Variants in CFHR5 observed in about 807,000 individuals in gnomAD.
The protein encoded by CFHR5 is complement factor H related 5.
Under a neutral mutation model 62.9 loss-of-function variants are expected in CFHR5, and 73 were observed. The ratio of observed to expected loss-of-function variants is 1.16; its 90% CI spans 0.96 to 1.41. CFHR5 has a LOEUF of 1.41. Among genes scored for constraint, CFHR5 ranks in the 40% most tolerant of loss-of-function variants. CFHR5 has a pLI of 0.00. For missense variants in CFHR5, 779 were observed against 679.9 expected, an observed-to-expected ratio of 1.15 and a Z score of -1.62; for synonymous variants, 249 against 227.2, an observed-to-expected ratio of 1.10 and a Z score of -0.86.
intron 7 of CFHR5, among the ~76,000 whole-genome samples, chr1:196,999,785 GTATATA>G (rs1299097017): frequency 1.6e-5 from 2 of 127,008 alleles, no homozygotes; most frequent in Admixed American, 8.3e-5. Flanking sequence ...ATGTATATAT[GTATATA>G]TGTGTGTATA....
chr1:196,993,166 C>T (rs1653892771), intron 3 of CFHR5, among the ~76,000 whole-genome samples: 1 of 152,014 alleles, frequency 6.6e-6, no homozygotes, highest in Non-Finnish European at 1.5e-5. Context: ...GGGAAAGATT[C>T]AAAAAACCTA....
Position 196,996,141 on chromosome 1 carries a change from A to T in CFHR5, c.910A>T (p.Ile304Phe). The T allele has an allele frequency of 6.2e-7, 1 of 1,613,136 alleles. No homozygotes were observed. The highest frequency in any genetic ancestry group is 1.3e-5 in the African/African-American group (1 of 74,994). ...GAATTGCAGAAATGAATATGCAATG[A>T]TTGGAAATAACATGATTACCTGTAT... is the stretch of plus-strand genomic sequence containing the variant. ...EVNCRNEYAM[I>F]GNNMITCING... is the part of the protein sequence containing the mutation. The change falls in exon 6 of 10, where the codon ATT becomes TTT. Residue 304 changes from isoleucine (I) to phenylalanine (F), a missense_variant. By Grantham distance (21) the Ile-to-Phe change is conservative (BLOSUM62 0). Transcript: ENST00000256785.
intron 1 of CFHR5, 99 bp downstream of exon 1, chr1:196,977,821 C>G: frequency 1.1e-6 from 1 of 927,478 alleles, no homozygotes; most frequent in Non-Finnish European, 1.8e-6. Context: ...GAATAAATAG[C>G]TGAGGATAAT....
intron 1 of CFHR5, among the ~76,000 whole-genome samples, chr1:196,979,826 G>A (rs1171041228): frequency 1.3e-5 from 2 of 151,830 alleles, no homozygotes; most frequent in Non-Finnish European, 2.9e-5. Flanking sequence ...GGTGCACCCA[G>A]GATAGACTAA....
At chr1:197,007,605 TA>T (rs1470884520) in intron 9 of CFHR5, among the ~76,000 whole-genome samples, 1 of 150,032 alleles carries the variant, frequency 6.7e-6, no homozygotes. Flanking sequence ...GTATATGTAA[TA>T]TAAATATATT....
chr1:196,976,488 G>C (rs1235983832), upstream of CFHR5, among the ~76,000 whole-genome samples: 4 of 152,228 alleles, frequency 2.6e-5, no homozygotes, highest in African/African-American at 7.2e-5. Flanking sequence ...GCCCATCCAG[G>C]GTTCAACTTC....
chr1:196,983,449 A>G (rs539386236), intron 2 of CFHR5, among the ~76,000 whole-genome samples: 34 of 152,174 alleles, frequency 2.2e-4, no homozygotes, highest in Non-Finnish European at 4.0e-4. Flanking sequence ...GTTCTCTTGC[A>G]TATTGCGAGG....
intron 9 of CFHR5, among the ~76,000 whole-genome samples, chr1:197,007,515 A>G (rs2125041196): frequency 6.6e-6 from 1 of 151,934 alleles, no homozygotes; most frequent in Admixed American, 6.6e-5. Context: ...AAAAAAGTAT[A>G]TAACATAAAG....
Position 196,994,234 on chromosome 1 carries a change from A to G in CFHR5, c.585A>G (p.Ser195=), listed in dbSNP as rs981688848. The G allele has an allele frequency of 6.2e-7, 1 of 1,613,572 alleles. No individual in the cohort carries two copies. The highest frequency in any genetic ancestry group is 1.3e-5 in the African/African-American group (1 of 75,028). The change falls in exon 4 of 10, where the codon TCA becomes TCG. Residue 195 remains serine (S), a synonymous_variant. Coordinates refer to ENST00000256785, the MANE Select transcript of CFHR5 (RefSeq NM_030787.4). ...DSVQCYQFGW[S]PNFPTCKGQV... ...TTCAATGTTACCAATTTGGGTGGTCACCTAACTTTCCAACATGCAAAGGTC... is the reference window on the plus strand; with the variant it reads ...TTCAATGTTACCAATTTGGGTGGTCGCCTAACTTTCCAACATGCAAAGGTC...
At chr1:196,991,049 G>A (rs1268149270) in intron 3 of CFHR5, among the ~76,000 whole-genome samples, 1 of 151,748 alleles carries the variant, frequency 6.6e-6, no homozygotes, top group East Asian at 1.9e-4. Context: ...ATTTCTCGGA[G>A]GCTTTGTTCA....
At chr1:196,984,934 G>C (rs1571513763) in intron 3 of CFHR5, among the ~76,000 whole-genome samples, 1 of 152,206 alleles carries the variant, frequency 6.6e-6, no homozygotes, top group African/African-American at 2.4e-5. Flanking sequence ...TCTAGAAAAG[G>C]CTTCCCAATA....
At chr1:196,998,349 C>A (rs373303829) in intron 7 of CFHR5, 45 bp downstream of exon 7, 182 of 1,446,368 alleles carry the variant, frequency 1.3e-4, no homozygotes, top group East Asian at 9.3e-5. Context: ...TGCTTCTTTA[C>A]AAGAAAAATT....
chr1:196,989,680 T>C (rs973938408), intron 3 of CFHR5, among the ~76,000 whole-genome samples: 18 of 152,168 alleles, frequency 1.2e-4, no homozygotes, highest in Middle Eastern at 3.2e-3. Context: ...TGGTGCGGTT[T>C]TGAGTGAGTT....
intron 3 of CFHR5, among the ~76,000 whole-genome samples, chr1:196,987,728 G>T (rs1653731453): frequency 6.6e-6 from 1 of 152,142 alleles, no homozygotes; most frequent in Non-Finnish European, 1.5e-5. Flanking sequence ...CTATATCTCT[G>T]TTTTGGTACC....
At chr1:196,990,502 C>T (rs944359328) in intron 3 of CFHR5, among the ~76,000 whole-genome samples, 3 of 152,136 alleles carry the variant, frequency 2.0e-5, no homozygotes, top group African/African-American at 7.2e-5. Context: ...TTTGCAGGGG[C>T]TGGTACCGGT....
intron 7 of CFHR5, among the ~76,000 whole-genome samples, chr1:197,000,996 T>C (rs1401992262): frequency 6.6e-6 from 1 of 152,158 alleles, no homozygotes; most frequent in Admixed American, 6.6e-5. Context: ...GACCAAACTT[T>C]GCTAATCAAA....
intron 3 of CFHR5, among the ~76,000 whole-genome samples, chr1:196,985,447 C>T (rs1653658980): frequency 6.6e-6 from 1 of 151,648 alleles, no homozygotes; most frequent in Admixed American, 6.6e-5. Flanking sequence ...ACAGTTACGT[C>T]ATGGTCTCTT....
In CFHR5 at chr1:196,986,528, C is replaced by A. The variant is rs147314146; in HGVS notation, c.430+2391C>A. ...ATGCTACCCCTCCCCTACCTCCCAC[C>A]CTACAACAGGCCCCAGTGTGTGATG... On this transcript the variant is annotated intron_variant, in intron 3 of 9. Transcript: ENST00000256785. 4.3e-3 allele frequency among the ~76,000 whole-genome samples: 662 copies of A among 152,204 alleles called. 8 individuals carry two copies. Among genetic ancestry groups the A allele is most frequent in the African/African-American group, 0.014 (579 of 41,528 alleles).
chr1:196,996,025 A>C lies in CFHR5; in HGVS notation c.794A>C (p.Gln265Pro). The change falls in exon 6 of 10, where the codon CAA becomes CCA. Residue 265 changes from glutamine to proline, a missense_variant. Physicochemically the swap from Gln to Pro is moderately conservative, Grantham distance 76. Transcript: ENST00000256785. The stretch of plus-strand genomic sequence containing the variant: ...TCATTTTATTACATTTTCTTAGAAC[A>C]AGTGAAAACATGTGGATACATACCT... ...EWTTLPTCVE[Q>P]VKTCGYIPEL... The C allele has an allele frequency of 6.2e-7, 1 of 1,613,744 alleles. No individual in the cohort carries two copies. Among genetic ancestry groups the C allele is most frequent in the Non-Finnish European group, 8.5e-7 (1 of 1,179,716 alleles).
Sources: allele counts gnomAD v4.1 joint callset (sites outside exome capture counted in the v4.1 genomes callset), GRCh38; gene constraint gnomAD v4.1.1; transcripts MANE v1.5; gene names NCBI Gene and HGNC (gene_info 2026-07-23, HGNC 2026-07-21).